Variants in SUGCT observed in about 807,000 individuals in gnomAD.
The protein encoded by SUGCT is succinyl-CoA:glutarate CoA-transferase.
A neutral mutation model predicts 55.0 loss-of-function variants in SUGCT; 41 were observed. That is an observed-to-expected ratio of 0.74 (90% CI 0.58 to 0.97). The LOEUF (loss-of-function observed/expected upper bound fraction) is 0.97. Among genes scored for constraint, SUGCT ranks in the 50% least tolerant of loss-of-function variants. The pLI is 0.00. For synonymous variants in SUGCT, 187 were observed against 200.4 expected, an observed-to-expected ratio of 0.93 and a Z score of 0.56; for missense variants, 568 against 547.8, an observed-to-expected ratio of 1.04 and a Z score of -0.37.
intron 13 of SUGCT, among the ~76,000 whole-genome samples, chr7:40,857,039 G>A (rs566754806): frequency 2.7e-4 from 41 of 152,238 alleles, no homozygotes; most frequent in Non-Finnish European, 5.1e-4. Context: ...GAAATGTGTA[G>A]ACTGAGGCTC....
chr7:40,941,550 G>T, the SUGCT span, among the ~76,000 whole-genome samples: 2 of 152,008 alleles, frequency 1.3e-5, no homozygotes, highest in Admixed American at 6.6e-5. Flanking sequence ...TGCAGTTCTT[G>T]GGTAGAATGT....
chr7:40,371,552 C>T (rs1051138398), intron 9 of SUGCT, among the ~76,000 whole-genome samples: 5 of 152,082 alleles, frequency 3.3e-5, no homozygotes, highest in African/African-American at 9.7e-5. Flanking sequence ...TTCATTACAT[C>T]GTGGTTTTTC....
intron 12 of SUGCT, among the ~76,000 whole-genome samples, chr7:40,668,926 T>C (rs1328990825): frequency 1.3e-5 from 2 of 152,020 alleles, no homozygotes; most frequent in Non-Finnish European, 2.9e-5. Context: ...AATGAGACAC[T>C]CCAACCCCCC....
chr7:40,388,693 G>A (rs1051886516), intron 9 of SUGCT, among the ~76,000 whole-genome samples: 6 of 152,160 alleles, frequency 3.9e-5, no homozygotes, highest in African/African-American at 1.4e-4. Context: ...CAGGATTACA[G>A]GCATGAGCCA....
intron 9 of SUGCT, among the ~76,000 whole-genome samples, chr7:40,320,336 C>T (rs1450122868): frequency 6.6e-6 from 1 of 152,046 alleles, no homozygotes; most frequent in Non-Finnish European, 1.5e-5. Flanking sequence ...GAATGCCTGA[C>T]CTCAAGTGAT....
intron 9 of SUGCT, among the ~76,000 whole-genome samples, chr7:40,446,936 T>A (rs1168063765): frequency 6.6e-6 from 1 of 152,226 alleles, no homozygotes; most frequent in Non-Finnish European, 1.5e-5. Context: ...GAATTGTTAA[T>A]TGTTAATAAC....
intron 12 of SUGCT, among the ~76,000 whole-genome samples, chr7:40,594,940 TAGG>T (rs1188336495): frequency 6.6e-6 from 1 of 152,200 alleles, no homozygotes; most frequent in Non-Finnish European, 1.5e-5. Context: ...TATAATAGTT[TAGG>T]AGAAGTTTAT....
At chr7:40,853,300 A>G (rs1046076140) in intron 13 of SUGCT, among the ~76,000 whole-genome samples, 1 of 152,120 alleles carries the variant, frequency 6.6e-6, no homozygotes, top group Non-Finnish European at 1.5e-5. Context: ...TTTTATTGTT[A>G]GCAATTATTT....
intron 9 of SUGCT, among the ~76,000 whole-genome samples, chr7:40,355,046 A>G (rs536172005): frequency 1.2e-4 from 19 of 152,220 alleles, no homozygotes; most frequent in African/African-American, 4.1e-4. Flanking sequence ...TGCCTTCTCC[A>G]TAGAGTTCCA....
intron 6 of SUGCT, among the ~76,000 whole-genome samples, chr7:40,204,501 A>G (rs900403139): frequency 2.6e-5 from 4 of 151,878 alleles, no homozygotes; most frequent in Admixed American, 2.6e-4. Flanking sequence ...ACAGGGTTTC[A>G]CTGTGTTAGC....
intron 3 of SUGCT, among the ~76,000 whole-genome samples, chr7:40,185,082 T>G (rs1362126582): frequency 6.6e-6 from 1 of 152,238 alleles, no homozygotes; most frequent in Non-Finnish European, 1.5e-5. Flanking sequence ...GCCTGGCAAG[T>G]CCTGCTCCCA....
At chr7:40,940,199 T>C in the SUGCT span, among the ~76,000 whole-genome samples, 1 of 152,196 alleles carries the variant, frequency 6.6e-6, no homozygotes. Flanking sequence ...TATTTGGCTT[T>C]ACTTCTGAGC....
At chr7:40,688,241 C>G (rs1483925344) in intron 12 of SUGCT, among the ~76,000 whole-genome samples, 1 of 152,106 alleles carries the variant, frequency 6.6e-6, no homozygotes, top group Non-Finnish European at 1.5e-5. Context: ...CCATTGGAGA[C>G]CCAGTCTTTC....
At chr7:40,954,154 G>A in the SUGCT span, among the ~76,000 whole-genome samples, 1 of 152,184 alleles carries the variant, frequency 6.6e-6, no homozygotes, top group East Asian at 1.9e-4. Context: ...AGCAATGGCG[G>A]GTGCCCCTCC....
chr7:40,675,344 T>C (rs1459537384), intron 12 of SUGCT, among the ~76,000 whole-genome samples: 1 of 152,100 alleles, frequency 6.6e-6, no homozygotes, highest in Non-Finnish European at 1.5e-5. Flanking sequence ...CAGGCGTGAG[T>C]CACCACGCCT....
intron 1 of SUGCT, among the ~76,000 whole-genome samples, chr7:40,168,230 C>A (rs1273148390): frequency 6.6e-6 from 1 of 152,108 alleles, no homozygotes; most frequent in Non-Finnish European, 1.5e-5. Flanking sequence ...CTCAGTACCC[C>A]CCAACAGGAA....
intron 9 of SUGCT, among the ~76,000 whole-genome samples, chr7:40,376,554 G>A (rs1784556560): frequency 6.6e-6 from 1 of 151,880 alleles, no homozygotes; most frequent in Non-Finnish European, 1.5e-5. Flanking sequence ...ACCATGCCCG[G>A]CTAATTTTTC....
chr7:40,423,551 A>G (rs775638207), intron 9 of SUGCT, among the ~76,000 whole-genome samples: 1 of 152,164 alleles, frequency 6.6e-6, no homozygotes, highest in African/African-American at 2.4e-5. Context: ...TTTCACTTAA[A>G]AAAAATTTTT....
chr7:40,365,383 A>G (rs1217613193), intron 9 of SUGCT, among the ~76,000 whole-genome samples: 4 of 151,002 alleles, frequency 2.6e-5, no homozygotes, highest in African/African-American at 9.7e-5. Context: ...CACCACTCCT[A>G]TTCAACATAG....
Sources: gnomAD v4.1 joint callset for allele counts (sites outside exome capture counted in the v4.1 genomes callset) on GRCh38, gnomAD v4.1.1 for gene constraint, MANE v1.5 for transcripts, NCBI Gene and HGNC (gene_info 2026-07-23, HGNC 2026-07-21) for gene names.